Variants in TAFA1 observed in about 807,000 individuals in gnomAD.
TAFA1 encodes the protein chemokine-like protein TAFA-1.
In TAFA1, 4 loss-of-function variants were observed where a neutral mutation model predicts 18.5. The ratio of observed to expected loss-of-function variants is 0.22; its 90% CI spans 0.11 to 0.49. The LOEUF (loss-of-function observed/expected upper bound fraction) is 0.49, where lower values mean the gene tolerates loss of function less well. TAFA1 is among the 20% of genes least tolerant of loss of function. TAFA1 has a pLI of 0.98. For missense variants in TAFA1, 147 were observed against 169.0 expected (o/e 0.87, Z 0.72); for synonymous variants, 56 against 55.2 (o/e 1.01, Z -0.06).
chr3:68,361,997 A>G (rs2069476708), intron 2 of TAFA1, among the ~76,000 whole-genome samples: 1 of 152,142 alleles, frequency 6.6e-6, no homozygotes, highest in South Asian at 2.1e-4. Flanking sequence ...TTAGCACTAA[A>G]TAATTTTGAA....
intron 2 of TAFA1, among the ~76,000 whole-genome samples, chr3:68,361,840 C>T (rs544382803): frequency 6.6e-6 from 1 of 152,052 alleles, no homozygotes; most frequent in Non-Finnish European, 1.5e-5. Context: ...GCCCATTTTA[C>T]AGGTGGCACT....
intron 2 of TAFA1, among the ~76,000 whole-genome samples, chr3:68,161,158 C>G (rs911253532): frequency 2.6e-5 from 4 of 152,214 alleles, no homozygotes; most frequent in Admixed American, 2.0e-4. Context: ...ATGTTTACCT[C>G]TATCCCAAGG....
chr3:68,509,055 T>C (rs1162312129), intron 3 of TAFA1, among the ~76,000 whole-genome samples: 1 of 152,080 alleles, frequency 6.6e-6, no homozygotes, highest in Admixed American at 6.6e-5. Context: ...CACATTGGCC[T>C]CCAAGTGTTG....
intron 2 of TAFA1, among the ~76,000 whole-genome samples, chr3:68,410,006 G>A (rs904850788): frequency 6.6e-6 from 1 of 152,146 alleles, no homozygotes; most frequent in African/African-American, 2.4e-5. Context: ...CACTTGTACA[G>A]CTCAAGACAG....
intron 2 of TAFA1, among the ~76,000 whole-genome samples, chr3:68,226,058 C>A (rs1400846531): frequency 6.6e-6 from 1 of 152,100 alleles, no homozygotes; most frequent in Non-Finnish European, 1.5e-5. Flanking sequence ...AAATTCAGGT[C>A]CAATTTTCAG....
At chr3:68,048,976 C>T (rs2064431656) in intron 2 of TAFA1, among the ~76,000 whole-genome samples, 1 of 152,114 alleles carries the variant, frequency 6.6e-6, no homozygotes, top group Non-Finnish European at 1.5e-5. Context: ...GGGCATATAC[C>T]TAGCAGTGGG....
At chr3:68,059,832 C>G (rs1177735367) in intron 2 of TAFA1, among the ~76,000 whole-genome samples, 2 of 152,084 alleles carry the variant, frequency 1.3e-5, no homozygotes, top group Non-Finnish European at 2.9e-5. Context: ...AACCCAAGTG[C>G]CAGGGTGGAA....
chr3:68,106,461 G>A (rs1419779520), intron 2 of TAFA1, among the ~76,000 whole-genome samples: 2 of 152,112 alleles, frequency 1.3e-5, no homozygotes, highest in Non-Finnish European at 2.9e-5. Context: ...GGCACCATAT[G>A]TGACTGGTGA....
intron 2 of TAFA1, among the ~76,000 whole-genome samples, chr3:68,073,962 T>C (rs1218028753): frequency 6.6e-6 from 1 of 152,148 alleles, no homozygotes; most frequent in African/African-American, 2.4e-5. Context: ...ATTGTGCACT[T>C]TATGTCTATT....
At chr3:68,433,746 T>C (rs1325140835) in intron 3 of TAFA1, among the ~76,000 whole-genome samples, 1 of 152,156 alleles carries the variant, frequency 6.6e-6, no homozygotes, top group Non-Finnish European at 1.5e-5. Flanking sequence ...TTACAAGAAC[T>C]TAACTTCACA....
intron 2 of TAFA1, among the ~76,000 whole-genome samples, chr3:68,093,781 G>A (rs1224324510): frequency 6.6e-6 from 1 of 151,926 alleles, no homozygotes; most frequent in Non-Finnish European, 1.5e-5. Context: ...GATAAAGGTT[G>A]ATGAAAAATA....
intron 2 of TAFA1, among the ~76,000 whole-genome samples, chr3:68,336,593 C>A (rs13340165): frequency 6.6e-6 from 1 of 152,182 alleles, no homozygotes; most frequent in Non-Finnish European, 1.5e-5. Flanking sequence ...AAACTATCTG[C>A]TTGAAAGGTA....
Position 68,480,965 on chromosome 3 carries a change from G to A in TAFA1, c.260-57791G>A, listed in dbSNP as rs549383290. On this transcript the variant is annotated intron_variant, in intron 3 of 4. Transcript: ENST00000478136. ...GCAACCCGTTTTGCTTGGTTCTCTC[G>A]TTCTCTCTTCCCTGCCGTCATGTAA... Among the ~76,000 whole-genome samples, 20 of 152,186 alleles carry A rather than the reference G, an allele frequency of 1.3e-4. No individual in the cohort carries two copies. In the East Asian group the frequency reaches 1.4e-3, roughly 10 times the overall value.
intron 2 of TAFA1, among the ~76,000 whole-genome samples, chr3:68,190,956 C>T (rs7617075): frequency 0.16 from 24,177 of 151,732 alleles, 2,081 homozygotes; most frequent in Middle Eastern, 0.2. Context: ...ATTTCCTAGT[C>T]ATTTTGGATA....
At chr3:68,026,405 T>C (rs1704818198) in intron 2 of TAFA1, among the ~76,000 whole-genome samples, 2 of 151,880 alleles carry the variant, frequency 1.3e-5, no homozygotes, top group South Asian at 2.1e-4. Flanking sequence ...GGCAAGTTAC[T>C]ATGATTTTCA....
intron 2 of TAFA1, among the ~76,000 whole-genome samples, chr3:68,186,007 C>G (rs1021657332): frequency 6.6e-6 from 1 of 152,072 alleles, no homozygotes; most frequent in Non-Finnish European, 1.5e-5. Context: ...ATGAAGCCTG[C>G]TCCTTGTCAA....
intron 4 of TAFA1, 54 bp from the exon 5 acceptor site, chr3:68,544,432 G>C: frequency 1.9e-6 from 3 of 1,577,420 alleles, no homozygotes; most frequent in African/African-American, 1.4e-5. Context: ...ACATTTCTTT[G>C]TGCCTTCAGT....
At chr3:68,113,886 T>C (rs7429020) in intron 2 of TAFA1, among the ~76,000 whole-genome samples, 1 of 95,402 alleles carries the variant, frequency 1.0e-5, no homozygotes, top group Non-Finnish European at 1.9e-5. Flanking sequence ...GTTTGGGGTG[T>C]AGTTTTTTTT....
intron 2 of TAFA1, among the ~76,000 whole-genome samples, chr3:68,206,461 A>G (rs1020116909): frequency 5.9e-5 from 9 of 151,910 alleles, no homozygotes; most frequent in Non-Finnish European, 1.2e-4. Context: ...AAAAAATATA[A>G]TAGTTCCCAA....
Sources: gnomAD v4.1 joint callset for allele counts (sites outside exome capture counted in the v4.1 genomes callset) on GRCh38, gnomAD v4.1.1 for gene constraint, MANE v1.5 for transcripts, NCBI Gene and HGNC (gene_info 2026-07-23, HGNC 2026-07-21) for gene names.